ANKRD11: variants seen among roughly 807,000 people sequenced by gnomAD.
ANKRD11 encodes the protein ankyrin repeat domain 11.
Under a neutral mutation model 195.7 loss-of-function variants are expected in ANKRD11, and 17 were observed. That is an observed-to-expected ratio of 0.09 (90% confidence interval 0.06 to 0.13). The LOEUF is 0.13. Among genes scored for constraint, ANKRD11 ranks in the 10% least tolerant of loss-of-function variants. The probability of loss-of-function intolerance (pLI) is 1.00; values close to 1 mark genes in which losing one functional copy is unlikely to be tolerated. For synonymous variants in ANKRD11, 1,953 were observed against 1,528.1 expected (o/e 1.28, Z -6.49); for missense variants, 3,735 against 3,566.1 (o/e 1.05, Z -1.21).
At chr16:89,269,285 A>AGCTG (rs1260556454) in intron 12 of ANKRD11, among the ~76,000 whole-genome samples, 1 of 151,820 alleles carries the variant, frequency 6.6e-6, no homozygotes, top group Non-Finnish European at 1.5e-5. Flanking sequence ...CCTCCCGAGT[A>AGCTG]GCTGGGACTA....
intron 2 of ANKRD11, among the ~76,000 whole-genome samples, chr16:89,408,801 A>C (rs2042007593): frequency 6.6e-6 from 1 of 152,214 alleles, no homozygotes; most frequent in Non-Finnish European, 1.5e-5. Context: ...TGAGGCCTAC[A>C]TTCCTCTTGT....
intron 2 of ANKRD11, among the ~76,000 whole-genome samples, chr16:89,389,491 C>T (rs1385676601): frequency 1.3e-5 from 2 of 152,202 alleles, no homozygotes; most frequent in African/African-American, 4.8e-5. Context: ...GACATGAAAT[C>T]GTGTAACTCA....
Position 89,285,829 on chromosome 16 carries a change from C to G in ANKRD11, c.893-180G>C, listed in dbSNP as rs2034607480. Among the ~76,000 whole-genome samples the G allele has an allele frequency of 6.6e-6, 1 of 152,240 alleles. No homozygotes were observed. The highest frequency in any genetic ancestry group is 1.5e-5 in the Non-Finnish European group (1 of 68,040). Reference sequence around the variant, plus strand: ...CAGGAGGAAACCAGACAGAGCTCAGCTGACAGACAGGGCTGGCATCTTAGA... The same window carrying G: ...CAGGAGGAAACCAGACAGAGCTCAGGTGACAGACAGGGCTGGCATCTTAGA... On this transcript the variant is annotated intron_variant, in intron 8 of 12. Transcript: ENST00000301030. This position sits in a 1 kb window ranked among gnomAD's most constrained non-coding sequence, Gnocchi z 5.6.
intron 1 of ANKRD11, among the ~76,000 whole-genome samples, chr16:89,466,844 C>T (rs1567845242): frequency 6.6e-6 from 1 of 152,174 alleles, no homozygotes; most frequent in South Asian, 2.1e-4. Flanking sequence ...CGGGCATGTT[C>T]GAGAGTTTTT....
chr16:89,462,063 T>C (rs150288863), intron 1 of ANKRD11, among the ~76,000 whole-genome samples: 48 of 30,272 alleles, frequency 1.6e-3, no homozygotes, highest in East Asian at 9.1e-3. Flanking sequence ...TCCCTCTCCC[T>C]CTCTCCCTCT....
At chr16:89,318,859 G>T (rs974406945) in intron 2 of ANKRD11, among the ~76,000 whole-genome samples, 1 of 152,196 alleles carries the variant, frequency 6.6e-6, no homozygotes, top group African/African-American at 2.4e-5. Flanking sequence ...AGGTGAGCAG[G>T]TGTTTCCATC....
chr16:89,294,438 C>G (rs2035276409), intron 4 of ANKRD11, among the ~76,000 whole-genome samples: 1 of 152,154 alleles, frequency 6.6e-6, no homozygotes, highest in South Asian at 2.1e-4. Context: ...ATGCCAATCT[C>G]TCCACTGTGA....
chr16:89,280,930 G>A lies in ANKRD11; in HGVS notation c.5612C>T (p.Ala1871Val), dbSNP rs1241861780. ...TGGAGACGGGGTGACAGTGACAACGGCAGCCGGTGGGCAGTGCAAAGCGTC... is the reference window on the plus strand; with the variant it reads ...TGGAGACGGGGTGACAGTGACAACGACAGCCGGTGGGCAGTGCAAAGCGTC... ...KVDALHCPPA[A>V]VVTVTPSPEG... The change falls in exon 9 of 13, where the codon GCC (alanine) becomes GTC (valine). Residue 1871 changes from alanine (A) to valine (V), a missense_variant. By Grantham distance (64) the Ala-to-Val change is moderately conservative. Coordinates refer to ENST00000301030, the MANE Select transcript of ANKRD11 (RefSeq NM_013275.6). 6.3e-7 allele frequency: 1 copy of A among 1,593,268 alleles called. No homozygotes were observed. Among genetic ancestry groups the A allele is most frequent in the Non-Finnish European group, 8.6e-7 (1 of 1,166,616 alleles).
chr16:89,281,799 G>T lies in ANKRD11; in HGVS notation c.4743C>A (p.Thr1581=). Residue 1581 remains threonine (T), a synonymous_variant, in exon 9 of 13, where the codon ACC becomes ACA. Transcript: ENST00000301030. The surrounding 1 kb of genome is among the most constrained non-coding windows in gnomAD (Gnocchi z 5.5). ...KLLGDGDLMM[T]SFERMLSQKD... is the part of the protein sequence containing the mutation. Reference sequence around the variant, plus strand: ...TCTGGGACAGCATCCTCTCGAAGCTGGTCATCATCAGGTCGCCGTCCCCCA... The same window carrying T: ...TCTGGGACAGCATCCTCTCGAAGCTTGTCATCATCAGGTCGCCGTCCCCCA... The T allele has an allele frequency of 2.5e-6, 4 of 1,614,012 alleles. No homozygotes were observed. The highest frequency in any genetic ancestry group is 3.4e-6 in the Non-Finnish European group (4 of 1,180,006).
At chr16:89,427,921 G>A (rs2042788652) in intron 1 of ANKRD11, among the ~76,000 whole-genome samples, 1 of 151,936 alleles carries the variant, frequency 6.6e-6, no homozygotes, top group Admixed American at 6.6e-5. Flanking sequence ...AGTTTGAAAG[G>A]TTTAAAATTC....
At chr16:89,430,956 C>T (rs997873830) in intron 1 of ANKRD11, among the ~76,000 whole-genome samples, 6 of 151,996 alleles carry the variant, frequency 3.9e-5, no homozygotes, top group Admixed American at 1.3e-4. Flanking sequence ...GAAGTGGGTG[C>T]GCAGGCGGAG....
chr16:89,286,527 T>C, intron 7 of ANKRD11: 1 of 573,628 alleles, frequency 1.7e-6, no homozygotes, highest in Non-Finnish European at 2.7e-6. Context: ...TCACGAAGGC[T>C]CTCCCCTCCC....
chr16:89,407,979 T>C (rs2041976854), intron 2 of ANKRD11, among the ~76,000 whole-genome samples: 2 of 151,978 alleles, frequency 1.3e-5, no homozygotes, highest in South Asian at 2.1e-4. Context: ...CAAACACATC[T>C]ATAGCGAAGT....
Position 89,270,919 on chromosome 16 carries a change from C to CCAAA in ANKRD11, c.7714-14_7714-11dup. Reference sequence around the variant, plus strand: ...ACTTGTTCTCGTCACCCTGTGGAAACCAAACACGGGAGTTTCATCAGGAGC... The same window carrying CCAAA: ...ACTTGTTCTCGTCACCCTGTGGAAACCAAACAAACACGGGAGTTTCATCAGGAGC... On this transcript the variant is annotated splice_polypyrimidine_tract_variant and intron_variant, in intron 11 of 12. Coordinates refer to ENST00000301030, the MANE Select transcript of ANKRD11 (RefSeq NM_013275.6). 1.9e-6 allele frequency: 3 copies of CCAAA among 1,613,876 alleles called. No homozygotes were observed. Among genetic ancestry groups the CCAAA allele is most frequent in the South Asian group, 1.1e-5 (1 of 91,074 alleles).
intron 2 of ANKRD11, among the ~76,000 whole-genome samples, chr16:89,330,749 C>A (rs2038021766): frequency 1.3e-5 from 2 of 149,936 alleles, no homozygotes; most frequent in Non-Finnish European, 3.0e-5. Flanking sequence ...TCCTGTTCCT[C>A]CTCGGCGAGT....
intron 2 of ANKRD11, among the ~76,000 whole-genome samples, chr16:89,399,461 C>T (rs111981032): frequency 0.022 from 3,414 of 152,300 alleles, 135 homozygotes; most frequent in African/African-American, 0.078. Flanking sequence ...AGGGCAAAAC[C>T]GTGCAGACAG....
At chr16:89,432,168 C>T (rs1478079540) in intron 1 of ANKRD11, among the ~76,000 whole-genome samples, 5 of 151,896 alleles carry the variant, frequency 3.3e-5, no homozygotes, top group Non-Finnish European at 7.4e-5. Flanking sequence ...CTTATTTACA[C>T]CTCAGTCTGG....
At chr16:89,447,795 T>C (rs1009545701) in intron 1 of ANKRD11, among the ~76,000 whole-genome samples, 1 of 149,972 alleles carries the variant, frequency 6.7e-6, no homozygotes, top group Non-Finnish European at 1.5e-5. Context: ...TAAAATACAA[T>C]AACTTTTTCT....
In ANKRD11 at chr16:89,284,641, G is replaced by T; in HGVS notation, c.1901C>A (p.Thr634Lys). ...KEGKVVKKHK[T>K]KHKHKNKEKG... ...CTCCTTGTTTTTGTGTTTGTGTTTTGTTTTATGTTTTTTGACAACTTTCCC... is the reference window on the plus strand; with the variant it reads ...CTCCTTGTTTTTGTGTTTGTGTTTTTTTTTATGTTTTTTGACAACTTTCCC... Residue 634 changes from threonine (T) to lysine (K), a missense_variant, in exon 9 of 13, where the codon ACA (threonine) becomes AAA (lysine). Thr to Lys is a moderately conservative substitution (Grantham distance 78). Coordinates refer to ENST00000301030, the MANE Select transcript of ANKRD11 (RefSeq NM_013275.6). 1 of 1,614,096 alleles carries T rather than the reference G, an allele frequency of 6.2e-7. No homozygotes were observed. The highest frequency in any genetic ancestry group is 8.5e-7 in the Non-Finnish European group (1 of 1,180,026).
Sources: allele counts gnomAD v4.1 joint callset (sites outside exome capture counted in the v4.1 genomes callset), GRCh38; gene constraint gnomAD v4.1.1; non-coding constraint Gnocchi (gnomAD v3.1); transcripts MANE v1.5; gene names NCBI Gene and HGNC (gene_info 2026-07-23, HGNC 2026-07-21).